The following NEBL variants were observed in gnomAD, a reference collection of about 807,000 sequenced individuals.
NEBL encodes the protein nebulette.
A neutral mutation model predicts 140.2 loss-of-function variants in NEBL; 122 were observed. That is an observed-to-expected ratio of 0.87 (90% CI 0.75 to 1.01). NEBL has a LOEUF of 1.01. NEBL is among the 50% of genes least tolerant of loss of function. NEBL has a pLI of 0.00. For synonymous variants in NEBL, 436 were observed against 398.9 expected, an observed-to-expected ratio of 1.09 and a Z score of -1.11; for missense variants, 1,365 against 1,231.3, an observed-to-expected ratio of 1.11 and a Z score of -1.62.
At chr10:20,890,449 T>A (rs1846936977) in intron 2 of NEBL, among the ~76,000 whole-genome samples, 2 of 152,184 alleles carry the variant, frequency 1.3e-5, no homozygotes, top group Admixed American at 1.3e-4. Context: ...TAGACATGCT[T>A]GATTAGAGGA....
chr10:21,009,539 G>A (rs1448741043), intron 3 of NEBL, among the ~76,000 whole-genome samples: 1 of 152,114 alleles, frequency 6.6e-6, no homozygotes. Flanking sequence ...TCAAGAGAGA[G>A]GGAAGGAGGC....
chr10:21,080,793 C>T (rs1329737448), intron 2 of NEBL, among the ~76,000 whole-genome samples: 1 of 152,070 alleles, frequency 6.6e-6, no homozygotes, highest in Non-Finnish European at 1.5e-5. Flanking sequence ...CTAATTCTGG[C>T]TTATTCAGAT....
intron 3 of NEBL, among the ~76,000 whole-genome samples, chr10:21,230,393 T>C (rs1477943970): frequency 6.6e-6 from 1 of 152,166 alleles, no homozygotes; most frequent in African/African-American, 2.4e-5. Context: ...AACTGCTCAC[T>C]TAAAAAAAGA....
At chr10:20,982,283 A>G (rs769685384) in intron 3 of NEBL, among the ~76,000 whole-genome samples, 15 of 152,226 alleles carry the variant, frequency 9.9e-5, no homozygotes, top group African/African-American at 1.4e-4. Flanking sequence ...CCCCCTCTCC[A>G]AACTACTGCA....
At chr10:21,032,529 T>C (rs1178484704) in intron 2 of NEBL, among the ~76,000 whole-genome samples, 1 of 152,210 alleles carries the variant, frequency 6.6e-6, no homozygotes, top group East Asian at 1.9e-4. Flanking sequence ...AGCACCTCTA[T>C]AAACAACTCA....
At chr10:20,821,318 G>T (rs1324478428) in intron 19 of NEBL, among the ~76,000 whole-genome samples, 1 of 152,064 alleles carries the variant, frequency 6.6e-6, no homozygotes, top group Non-Finnish European at 1.5e-5. Flanking sequence ...AGGAAATTTA[G>T]GTTTCAAGAG....
intron 10 of NEBL, among the ~76,000 whole-genome samples, chr10:20,851,646 G>C (rs895916000): frequency 2.0e-5 from 3 of 151,422 alleles, no homozygotes; most frequent in Non-Finnish European, 4.4e-5. Flanking sequence ...TTAGCCAGGC[G>C]TGGTGGCATG....
chr10:20,826,368 T>C (rs1588701095), intron 18 of NEBL, 79 bp downstream of exon 18: 3 of 1,092,438 alleles, frequency 2.7e-6, no homozygotes, highest in Non-Finnish European at 2.8e-6. Context: ...AAGCCATCAG[T>C]TGAGTAAAGA....
intron 17 of NEBL, among the ~76,000 whole-genome samples, 189 bp downstream of exon 17, chr10:20,828,341 A>G (rs549910506): frequency 3.7e-4 from 57 of 152,252 alleles, no homozygotes; most frequent in African/African-American, 1.3e-3. Context: ...TGTAATTCCA[A>G]AAAAATAATG....
intron 4 of NEBL, among the ~76,000 whole-genome samples, chr10:20,905,123 A>G (rs1398883518): frequency 6.6e-6 from 1 of 152,228 alleles, no homozygotes; most frequent in Non-Finnish European, 1.5e-5. Flanking sequence ...GTTGTAGAGC[A>G]TATTGCAAAC....
chr10:20,896,849 G>T, intron 2 of NEBL, 109 bp downstream of exon 2: 1 of 949,062 alleles, frequency 1.1e-6, no homozygotes, highest in Non-Finnish European at 1.7e-6. Context: ...GAAAGTGACT[G>T]TGTTTTAAAA....
At chr10:21,046,758 G>A (rs933039882) in intron 2 of NEBL, among the ~76,000 whole-genome samples, 2 of 151,928 alleles carry the variant, frequency 1.3e-5, no homozygotes, top group South Asian at 2.1e-4. Context: ...CTGCCACCAC[G>A]CCCGACTAAT....
chr10:20,980,456 GA>G (rs1836992073), intron 3 of NEBL, among the ~76,000 whole-genome samples: 2 of 152,202 alleles, frequency 1.3e-5, no homozygotes, highest in African/African-American at 4.8e-5. Context: ...AGAGAAGAAA[GA>G]AAAATAAACA....
At chr10:20,852,254 T>C (rs917173875) in intron 10 of NEBL, among the ~76,000 whole-genome samples, 27 of 152,206 alleles carry the variant, frequency 1.8e-4, no homozygotes, top group Admixed American at 4.6e-4. Flanking sequence ...AATCATCATG[T>C]GGTTTGACCA....
At chr10:21,271,542 T>C (rs1385613572) in intron 1 of NEBL, among the ~76,000 whole-genome samples, 2 of 151,578 alleles carry the variant, frequency 1.3e-5, no homozygotes, top group Middle Eastern at 3.2e-3. Context: ...TTTTTTTTTT[T>C]CTAGATGGAG....
intron 2 of NEBL, among the ~76,000 whole-genome samples, chr10:21,040,343 A>G (rs931824793): frequency 6.6e-6 from 1 of 152,212 alleles, no homozygotes. Flanking sequence ...CATTCAAAAA[A>G]AAAAGAAAGA....
At chr10:21,121,247 GAGCCCT>G (rs1838559878) in intron 2 of NEBL, among the ~76,000 whole-genome samples, 1 of 152,092 alleles carries the variant, frequency 6.6e-6, no homozygotes, top group South Asian at 2.1e-4. Flanking sequence ...GAGACAACCT[GAGCCCT>G]TAACACTGTA....
At chr10:21,252,880 G>A (rs971555263) in intron 1 of NEBL, among the ~76,000 whole-genome samples, 4 of 152,096 alleles carry the variant, frequency 2.6e-5, no homozygotes, top group East Asian at 1.9e-4. Context: ...ACTTGAACCC[G>A]GGAGGTGAAG....
intron 4 of NEBL, among the ~76,000 whole-genome samples, chr10:20,924,362 C>T (rs1193872042): frequency 7.4e-6 from 1 of 135,274 alleles, no homozygotes; most frequent in East Asian, 2.3e-4. Flanking sequence ...CTTAAGTTAC[C>T]GATTTGACAG....
Sources: gnomAD v4.1 joint callset for allele counts (sites outside exome capture counted in the v4.1 genomes callset) on GRCh38, gnomAD v4.1.1 for gene constraint, MANE v1.5 for transcripts, NCBI Gene and HGNC (gene_info 2026-07-23, HGNC 2026-07-21) for gene names.